The following CSMD1 variants were observed in gnomAD, a reference collection of about 807,000 sequenced individuals.
The protein encoded by CSMD1 is CUB and Sushi multiple domains 1.
CSMD1 carries 213 observed loss-of-function variants against 417.5 expected under a neutral mutation model. The observed-to-expected ratio is 0.51, with a 90% CI of 0.46 to 0.57. The LOEUF (loss-of-function observed/expected upper bound fraction) is 0.57, where lower values mean the gene tolerates loss of function less well. CSMD1 is among the 20% of genes least tolerant of loss of function. The pLI is 0.00. For synonymous variants in CSMD1, 2,862 were observed against 1,736.8 expected (o/e 1.65, Z -16.11); for missense variants, 6,923 against 4,529.7 (o/e 1.53, Z -15.17).
intron 3 of CSMD1, among the ~76,000 whole-genome samples, chr8:4,232,295 T>A (rs1801783993): frequency 6.6e-6 from 1 of 152,126 alleles, no homozygotes; most frequent in Non-Finnish European, 1.5e-5. Flanking sequence ...GCCTCCCAGG[T>A]TCAAGTAATT....
chr8:4,259,304 A>C (rs75268662), intron 3 of CSMD1, among the ~76,000 whole-genome samples: 1,811 of 152,244 alleles, frequency 0.012, 96 homozygotes, highest in Admixed American at 0.09. Context: ...ACAGTGTCTT[A>C]AGACTGTTTT....
intron 1 of CSMD1, among the ~76,000 whole-genome samples, chr8:4,751,406 G>A (rs868497422): frequency 6.6e-6 from 1 of 152,000 alleles, no homozygotes; most frequent in Non-Finnish European, 1.5e-5. Context: ...GGGTGGCGGG[G>A]CAGGAAAAGA....
intron 3 of CSMD1, among the ~76,000 whole-genome samples, chr8:4,299,924 C>A (rs554488940): frequency 2.2e-4 from 34 of 152,204 alleles, no homozygotes; most frequent in African/African-American, 7.9e-4. Flanking sequence ...CCACTGCGCC[C>A]GGCCCAGACA....
At chr8:2,990,822 C>T (rs1201487275) in intron 54 of CSMD1, among the ~76,000 whole-genome samples, 1 of 152,192 alleles carries the variant, frequency 6.6e-6, no homozygotes, top group Admixed American at 6.5e-5. Context: ...GGGCCCAGAG[C>T]TATGCAAGGT....
At chr8:3,788,443 A>C (rs1179008082) in intron 5 of CSMD1, among the ~76,000 whole-genome samples, 16 of 152,286 alleles carry the variant, frequency 1.1e-4, no homozygotes, top group Non-Finnish European at 4.4e-5. Flanking sequence ...GAACCAGCTG[A>C]GATAAGAGGC....
At chr8:4,292,084 G>C (rs1023768843) in intron 3 of CSMD1, among the ~76,000 whole-genome samples, 7 of 152,076 alleles carry the variant, frequency 4.6e-5, no homozygotes, top group African/African-American at 1.7e-4. Flanking sequence ...ACACCAAGGA[G>C]ATATACCAGG....
intron 5 of CSMD1, among the ~76,000 whole-genome samples, chr8:3,794,493 C>A (rs1229918452): frequency 2.0e-5 from 3 of 152,082 alleles, no homozygotes; most frequent in Admixed American, 2.0e-4. Flanking sequence ...CATAGCTACT[C>A]TCTGCATTAC....
intron 7 of CSMD1, among the ~76,000 whole-genome samples, chr8:3,693,146 T>C (rs1342764249): frequency 6.6e-6 from 1 of 152,154 alleles, no homozygotes; most frequent in Non-Finnish European, 1.5e-5. Flanking sequence ...ACCCACACTG[T>C]GTCAAGTAAT....
intron 2 of CSMD1, among the ~76,000 whole-genome samples, chr8:4,533,131 G>C (rs143743276): frequency 1.3e-5 from 2 of 152,306 alleles, no homozygotes; most frequent in East Asian, 3.9e-4. Context: ...ATGGCATTTT[G>C]TGACTGGGCT....
At chr8:3,352,455 T>C (rs182883087) in intron 21 of CSMD1, among the ~76,000 whole-genome samples, 8 of 152,338 alleles carry the variant, frequency 5.3e-5, no homozygotes, top group Admixed American at 1.3e-4. Context: ...GAAAAATAAG[T>C]TGTAATAATA....
intron 3 of CSMD1, among the ~76,000 whole-genome samples, chr8:4,230,841 T>C (rs1004210372): frequency 6.6e-6 from 1 of 152,154 alleles, no homozygotes; most frequent in Non-Finnish European, 1.5e-5. Context: ...TTTTTTGTGG[T>C]TAGGAACAAT....
rs115636807 is a variant in CSMD1, at chr8:3,746,658, G to C, written c.931+7272C>G. Among the ~76,000 whole-genome samples the C allele has an allele frequency of 2.4e-3, 362 of 152,064 alleles. 2 individuals carry two copies. Among genetic ancestry groups the C allele is most frequent in the African/African-American group, 8.3e-3 (343 of 41,500 alleles). On this transcript the variant is annotated intron_variant, in intron 6 of 69. Coordinates refer to ENST00000635120, the MANE Select transcript of CSMD1 (RefSeq NM_033225.6). Reference sequence around the variant, plus strand: ...ATATCTTTCTTAAATTTATTCTCTTGTTTCAACATTAGTAAGAAATTATCC... The same window carrying C: ...ATATCTTTCTTAAATTTATTCTCTTCTTTCAACATTAGTAAGAAATTATCC...
chr8:3,231,695 G>C (rs763305782), intron 26 of CSMD1, among the ~76,000 whole-genome samples: 2 of 152,124 alleles, frequency 1.3e-5, no homozygotes, highest in African/African-American at 2.4e-5. Flanking sequence ...CAGATTAAAA[G>C]ACCAAAGCTC....
intron 1 of CSMD1, among the ~76,000 whole-genome samples, chr8:4,690,822 G>A (rs564226450): frequency 1.0e-3 from 158 of 152,170 alleles, no homozygotes; most frequent in African/African-American, 2.7e-3. Context: ...TCTTCCTGCC[G>A]GGTTCAAGCA....
At chr8:3,831,995 T>G (rs147697740) in intron 5 of CSMD1, among the ~76,000 whole-genome samples, 3 of 152,150 alleles carry the variant, frequency 2.0e-5, no homozygotes, top group African/African-American at 4.8e-5. Flanking sequence ...CCATCCACAT[T>G]TTTTGGTAAA....
intron 2 of CSMD1, among the ~76,000 whole-genome samples, chr8:4,481,852 T>C (rs895821215): frequency 6.6e-6 from 1 of 152,212 alleles, no homozygotes; most frequent in Non-Finnish European, 1.5e-5. Flanking sequence ...CACCTACTTC[T>C]ATTTTAGAAG....
intron 25 of CSMD1, among the ~76,000 whole-genome samples, chr8:3,293,234 C>A (rs1355844452): frequency 3.3e-5 from 5 of 152,078 alleles, no homozygotes; most frequent in Non-Finnish European, 7.4e-5. Flanking sequence ...GGTAACCGGA[C>A]CTTTCTCTCT....
At chr8:4,103,199 A>T (rs1406146258) in intron 3 of CSMD1, among the ~76,000 whole-genome samples, 1 of 152,026 alleles carries the variant, frequency 6.6e-6, no homozygotes, top group Non-Finnish European at 1.5e-5. Flanking sequence ...ACATTTTCTA[A>T]CAAAAAGGTA....
At chr8:4,199,422 T>A (rs977639491) in intron 3 of CSMD1, among the ~76,000 whole-genome samples, 2 of 152,188 alleles carry the variant, frequency 1.3e-5, no homozygotes, top group South Asian at 4.1e-4. Context: ...TGGCATTAGC[T>A]GTCAAGTCAT....
Sources: allele counts gnomAD v4.1 joint callset (sites outside exome capture counted in the v4.1 genomes callset), GRCh38; gene constraint gnomAD v4.1.1; transcripts MANE v1.5; gene names NCBI Gene and HGNC (gene_info 2026-07-23, HGNC 2026-07-21).